The following SLC45A4 variants were observed in gnomAD, a reference collection of about 807,000 sequenced individuals.
SLC45A4 encodes solute carrier family 45 member 4.
SLC45A4 carries 32 observed loss-of-function variants against 63.7 expected under a neutral mutation model. The ratio of observed to expected loss-of-function variants is 0.50; its 90% CI spans 0.38 to 0.67. The LOEUF is 0.67. Among genes scored for constraint, SLC45A4 ranks in the 30% least tolerant of loss-of-function variants. The probability of loss-of-function intolerance (pLI) is 0.00; values close to 1 mark genes in which losing one functional copy is unlikely to be tolerated. For synonymous variants in SLC45A4, 535 were observed against 510.0 expected (o/e 1.05, Z -0.66); for missense variants, 1,027 against 1,157.7 (o/e 0.89, Z 1.64).
intron 1 of SLC45A4, among the ~76,000 whole-genome samples, chr8:141,257,856 G>C (rs1275875394): frequency 6.6e-6 from 1 of 152,162 alleles, no homozygotes; most frequent in African/African-American, 2.4e-5. Context: ...AACAGCACCA[G>C]AGGGAGACAC....
At position 141,238,127 on chromosome 8, in the gene SLC45A4, C is replaced by T. The variant is rs143703089; in HGVS notation, c.241+15862G>A. Among the ~76,000 whole-genome samples, 92 of 152,292 alleles carry T rather than the reference C, an allele frequency of 6.0e-4. 1 individual carries two copies. In the East Asian group the frequency reaches 0.011, roughly 19 times the overall value. On this transcript the variant is annotated intron_variant, in intron 2 of 8. Coordinates refer to ENST00000517878, the MANE Select transcript of SLC45A4 (RefSeq NM_001286646.2). ...CGGGCCACCTGTGCTGCTCCGTGGA[C>T]GCCTAGGACTCCTGGGCAGCAGACG...
chr8:141,232,152 C>A (rs1827387449), intron 2 of SLC45A4, among the ~76,000 whole-genome samples: 1 of 152,252 alleles, frequency 6.6e-6, no homozygotes, highest in Non-Finnish European at 1.5e-5. Flanking sequence ...TCTGCCTAAG[C>A]TCATACAGAT....
chr8:141,279,736 C>T (rs967040548), intron 1 of SLC45A4, among the ~76,000 whole-genome samples: 1 of 152,388 alleles, frequency 6.6e-6, no homozygotes, highest in South Asian at 2.1e-4. Flanking sequence ...GGAGTCTTTA[C>T]AAGAACAGCC....
Position 141,217,120 on chromosome 8 carries a change from T to C in SLC45A4, c.1699A>G (p.Ile567Val). 1.9e-6 allele frequency: 3 copies of C among 1,614,002 alleles called. No individual in the cohort carries two copies. The highest frequency in any genetic ancestry group is 2.5e-6 in the Non-Finnish European group (3 of 1,179,992). ...GVKMGCWGLV[I>V]YAATGAICSA... Reference sequence around the variant, plus strand: ...CAAATAGCACCAGTGGCGGCATAAATGACCAGGCCCCAGCAGCCCATCTTG... The same window carrying C: ...CAAATAGCACCAGTGGCGGCATAAACGACCAGGCCCCAGCAGCCCATCTTG... Residue 567 changes from isoleucine to valine, a missense_variant, in exon 6 of 9, where the codon ATT becomes GTT. Transcript: ENST00000517878.
intron 1 of SLC45A4, among the ~76,000 whole-genome samples, chr8:141,283,106 T>C (rs1830013439): frequency 6.6e-6 from 1 of 152,260 alleles, no homozygotes; most frequent in South Asian, 2.1e-4. Context: ...TGTGATTTTA[T>C]GATTTTCTGC....
At chr8:141,287,813 G>A (rs1181521627) in intron 1 of SLC45A4, among the ~76,000 whole-genome samples, 1 of 152,192 alleles carries the variant, frequency 6.6e-6, no homozygotes, top group Non-Finnish European at 1.5e-5. Flanking sequence ...GCGGTGAGGA[G>A]ACGGCTCTCA....
rs987464427 is a variant in SLC45A4 at position 141,208,047 on chromosome 8, G to A, written c.*3525C>T. The A allele has an allele frequency of 2.0e-5, 3 of 152,308 alleles. No homozygotes were observed. Among genetic ancestry groups the A allele is most frequent in the African/African-American group, 7.2e-5 (3 of 41,456 alleles). 9.4% of individuals were successfully genotyped at this position (152,308 alleles called of 1,614,324 possible). ...GCTGGTGGGAGGCGGAGGGACAAAC[G>A]AGGCTGACTCCGCAGCAGCAGTCCC... On this transcript the variant is annotated 3_prime_UTR_variant, in exon 9 of 9. Transcript: ENST00000517878.
At chr8:141,284,397 G>A (rs912185073) in intron 1 of SLC45A4, among the ~76,000 whole-genome samples, 1 of 152,244 alleles carries the variant, frequency 6.6e-6, no homozygotes, top group Non-Finnish European at 1.5e-5. Flanking sequence ...GCTCGGGAGG[G>A]AGGGGCCACC....
intron 1 of SLC45A4, among the ~76,000 whole-genome samples, chr8:141,277,166 G>A (rs1388550860): frequency 1.3e-5 from 2 of 152,238 alleles, no homozygotes; most frequent in African/African-American, 2.4e-5. Context: ...CACACACGCC[G>A]GCCACATGTG....
intron 2 of SLC45A4, 21 bp downstream of exon 2, chr8:141,253,966 GCA>G: frequency 6.5e-7 from 1 of 1,535,372 alleles, no homozygotes; most frequent in Non-Finnish European, 8.7e-7. Flanking sequence ...CGTTCACTGC[GCA>G]CAGACGGGGA....
chr8:141,257,571 C>G (rs1170200906), intron 1 of SLC45A4, among the ~76,000 whole-genome samples: 2 of 152,236 alleles, frequency 1.3e-5, no homozygotes, highest in African/African-American at 4.8e-5. Flanking sequence ...GAAGCCGTCT[C>G]TGTTCCTAAG....
chr8:141,242,159 T>C (rs776936865), intron 2 of SLC45A4, among the ~76,000 whole-genome samples: 19 of 152,208 alleles, frequency 1.2e-4, no homozygotes, highest in Admixed American at 9.2e-4. Flanking sequence ...AACTGGCAAC[T>C]GAAAATAAAA....
At chr8:141,232,926 C>A (rs1315454096) in intron 2 of SLC45A4, among the ~76,000 whole-genome samples, 1 of 151,756 alleles carries the variant, frequency 6.6e-6, no homozygotes. Context: ...GTAGATGCTA[C>A]CACCCCGCCC....
At chr8:141,211,927 A>G in intron 8 of SLC45A4, 1 of 1,259,036 alleles carries the variant, frequency 7.9e-7, no homozygotes, top group South Asian at 3.2e-5. Flanking sequence ...AAATTAAAAT[A>G]TCTTTTTCAA....
chr8:141,247,200 G>A (rs1055144309), intron 2 of SLC45A4, among the ~76,000 whole-genome samples: 5 of 130,484 alleles, frequency 3.8e-5, no homozygotes, highest in Non-Finnish European at 9.0e-5. Context: ...AAAGTTACTG[G>A]AACTACTAAG....
At chr8:141,273,563 A>C (rs1829619515) in intron 1 of SLC45A4, among the ~76,000 whole-genome samples, 1 of 152,146 alleles carries the variant, frequency 6.6e-6, no homozygotes, top group Non-Finnish European at 1.5e-5. Flanking sequence ...CACGCGAAGC[A>C]GCTAAATGGT....
At chr8:141,306,336 C>A (rs938524484) in intron 1 of SLC45A4, among the ~76,000 whole-genome samples, 1 of 152,216 alleles carries the variant, frequency 6.6e-6, no homozygotes, top group Non-Finnish European at 1.5e-5. Context: ...TTAGCCTGAA[C>A]GGGTGTGAAA....
intron 2 of SLC45A4, among the ~76,000 whole-genome samples, chr8:141,249,131 T>C (rs574567989): frequency 1.3e-5 from 2 of 152,042 alleles, no homozygotes; most frequent in East Asian, 1.9e-4. Flanking sequence ...TTGACGACGA[T>C]GTGGAGAAAT....
At chr8:141,257,413 G>A (rs1828845111) in intron 1 of SLC45A4, among the ~76,000 whole-genome samples, 1 of 152,234 alleles carries the variant, frequency 6.6e-6, no homozygotes, top group Admixed American at 6.5e-5. Flanking sequence ...TGCAAAGACT[G>A]AAAACATCAG....
Sources: allele counts gnomAD v4.1 joint callset (sites outside exome capture counted in the v4.1 genomes callset), GRCh38; gene constraint gnomAD v4.1.1; transcripts MANE v1.5; gene names NCBI Gene and HGNC (gene_info 2026-07-23, HGNC 2026-07-21).